TNN: variants seen among roughly 807,000 people sequenced by gnomAD.
TNN encodes the protein tenascin N.
TNN carries 122 observed loss-of-function variants against 134.4 expected under a neutral mutation model. The observed-to-expected ratio is 0.91, with a 90% CI of 0.78 to 1.06. The LOEUF (loss-of-function observed/expected upper bound fraction) is 1.06, where lower values mean the gene tolerates loss of function less well. TNN is among the 50% of genes least tolerant of loss of function. TNN has a pLI of 0.00. For synonymous variants in TNN, 710 were observed against 670.3 expected, an observed-to-expected ratio of 1.06 and a Z score of -0.91; for missense variants, 1,739 against 1,699.4, an observed-to-expected ratio of 1.02 and a Z score of -0.41.
chr1:175,123,275 G>A (rs910124864), intron 11 of TNN, 125 bp from the exon 12 acceptor site: 16 of 1,163,004 alleles, frequency 1.4e-5, no homozygotes, highest in Middle Eastern at 2.5e-4. Flanking sequence ...CCTTTGACTC[G>A]TGTTTTAAGT....
intron 3 of TNN, 116 bp from the exon 4 acceptor site, chr1:175,080,047 G>T (rs1400777223): frequency 6.4e-6 from 9 of 1,396,600 alleles, no homozygotes; most frequent in African/African-American, 1.4e-5. Flanking sequence ...CGGGAATGGC[G>T]CCTTACACAG....
At chr1:175,079,241 G>T in intron 2 of TNN, 92 bp from the exon 3 acceptor site, 56 of 1,271,526 alleles carry the variant, frequency 4.4e-5, no homozygotes, top group East Asian at 6.2e-5. Flanking sequence ...TGGGGCTAAT[G>T]ATTTCTGGGT....
chr1:175,079,846 T>C, intron 3 of TNN, 139 bp downstream of exon 3: 1 of 1,247,860 alleles, frequency 8.0e-7, no homozygotes. Context: ...CCAGAGTTTC[T>C]GATTCTGCGA....
intron 6 of TNN, among the ~76,000 whole-genome samples, chr1:175,086,389 G>GA (rs1328794152): frequency 6.6e-6 from 1 of 152,190 alleles, no homozygotes; most frequent in Non-Finnish European, 1.5e-5. Flanking sequence ...ATACATACGA[G>GA]ACATCCTAGG....
Position 175,146,979 on chromosome 1 carries a change from G to C in TNN, c.3808G>C (p.Val1270Leu). 3.1e-6 allele frequency: 5 copies of C among 1,595,042 alleles called. No individual in the cohort carries two copies. The highest frequency in any genetic ancestry group is 1.1e-5 in the South Asian group (1 of 89,842). ...WKGHEFSIPY[V>L]ELKIRPHGYS... The stretch of plus-strand genomic sequence containing the variant: ...AGGACATGAATTCTCCATTCCTTAC[G>C]TGGAGTTGAAAATCCGCCCTCATGG... Residue 1270 changes from valine (V) to leucine (L), a missense_variant, in exon 19 of 19, where the codon GTG becomes CTG. Coordinates refer to ENST00000239462, the MANE Select transcript of TNN (RefSeq NM_022093.2).
chr1:175,094,166 C>A lies in TNN; in HGVS notation c.1501C>A (p.Leu501Met). The A allele has an allele frequency of 6.2e-7, 1 of 1,614,150 alleles. No individual in the cohort carries two copies. The highest frequency in any genetic ancestry group is 1.1e-5 in the South Asian group (1 of 91,072). ...KDESSTVLTG[L>M]KPGEAYKVYV... The stretch of plus-strand genomic sequence containing the variant: ...TGAGAGCAGCACTGTCCTGACGGGC[C>A]TGAAGCCAGGAGAGGCATACAAGGT... Residue 501 changes from leucine to methionine, a missense_variant, in exon 7 of 19, where the codon CTG becomes ATG. Physicochemically the swap from Leu to Met is conservative, Grantham distance 15 (BLOSUM62 2). Coordinates refer to ENST00000239462, the MANE Select transcript of TNN (RefSeq NM_022093.2).
rs980262881 is a variant in TNN at position 175,105,168 on chromosome 1, C to T, written c.2119+6573C>T. Among the ~76,000 whole-genome samples, 4 of 146,086 alleles carry T rather than the reference C, an allele frequency of 2.7e-5. 1 individual carries two copies. The highest frequency in any genetic ancestry group is 3.0e-5 in the Non-Finnish European group (2 of 65,844). On this transcript the variant is annotated intron_variant, in intron 9 of 18. Transcript: ENST00000239462. ...AGGGTTTGATCTAACAGTAGCATGA[C>T]GTCTCTCCAAGTGAGGTCAAAGGTT...
chr1:175,091,049 A>G (rs1350822361), intron 6 of TNN, among the ~76,000 whole-genome samples: 2 of 152,184 alleles, frequency 1.3e-5, no homozygotes, highest in African/African-American at 4.8e-5. Flanking sequence ...AAACTATTTC[A>G]TAATCTCCAG....
At chr1:175,132,417 G>A (rs545277891) in intron 15 of TNN, among the ~76,000 whole-genome samples, 3 of 152,224 alleles carry the variant, frequency 2.0e-5, no homozygotes, top group East Asian at 1.9e-4. Flanking sequence ...AATGATTGTC[G>A]TCTAAGTGAA....
At chr1:175,069,082 T>C (rs1673861019) in intron 1 of TNN, among the ~76,000 whole-genome samples, 1 of 152,048 alleles carries the variant, frequency 6.6e-6, no homozygotes, top group Non-Finnish European at 1.5e-5. Context: ...GTTGCTTATA[T>C]AAGCATTAAA....
Position 175,097,582 on chromosome 1 carries a change from C to T in TNN, c.1754C>T (p.Thr585Ile). The change falls in exon 8 of 19, where the codon ACT becomes ATT. Residue 585 changes from threonine (T) to isoleucine (I), a missense_variant. Coordinates refer to ENST00000239462, the MANE Select transcript of TNN (RefSeq NM_022093.2). ...EVLVGKEQSS[T>I]VLTGLRPGVE... ...CTGGTGGGGAAGGAGCAGAGCAGCA[C>T]TGTCCTGACAGGCCTGAGGCCAGGT... The T allele has an allele frequency of 6.2e-7, 1 of 1,614,200 alleles. No homozygotes were observed. Among genetic ancestry groups the T allele is most frequent in the Non-Finnish European group, 8.5e-7 (1 of 1,180,050 alleles).
intron 9 of TNN, among the ~76,000 whole-genome samples, chr1:175,106,438 G>A (rs1363462228): frequency 6.9e-6 from 1 of 145,716 alleles, no homozygotes; most frequent in Non-Finnish European, 1.5e-5. Flanking sequence ...CACTACGATG[G>A]GGCCTTGGGC....
intron 18 of TNN, among the ~76,000 whole-genome samples, chr1:175,145,826 G>C (rs919314839): frequency 3.3e-5 from 5 of 151,904 alleles, no homozygotes; most frequent in African/African-American, 9.7e-5. Flanking sequence ...TGACAGCTGC[G>C]GGGCACTTCC....
At chr1:175,083,431 GGTTTGGGTGGCCAACCTGAGAGGTACA>G (rs1418062439) in intron 4 of TNN, among the ~76,000 whole-genome samples, 1 of 152,196 alleles carries the variant, frequency 6.6e-6, no homozygotes, top group Non-Finnish European at 1.5e-5. Context: ...TGGACTGAGT[GGTTTGGGTGGCCAACCTGAGAGGTACA>G]GTTTGGGCTT....
chr1:175,131,448 C>T (rs1242731507), intron 15 of TNN, among the ~76,000 whole-genome samples: 1 of 151,916 alleles, frequency 6.6e-6, no homozygotes, highest in Non-Finnish European at 1.5e-5. Context: ...TTGTTTTTCT[C>T]CCTTTGAAAC....
Position 175,118,628 on chromosome 1 carries a change from C to T in TNN, c.2454C>T (p.Asp818=). The T allele has an allele frequency of 6.2e-7, 1 of 1,614,216 alleles. No homozygotes were observed. Among genetic ancestry groups the T allele is most frequent in the Non-Finnish European group, 8.5e-7 (1 of 1,180,030 alleles). ...AGAATACAGCCACTGTCTCCTGGGA[C>T]CCGGTGCAGGCCACCATTGACAGGT... ...VTENTATVSW[D]PVQATIDRYV... Residue 818 remains aspartate, a synonymous_variant, in exon 11 of 19, where the codon GAC becomes GAT. Coordinates refer to ENST00000239462, the MANE Select transcript of TNN (RefSeq NM_022093.2).
At chr1:175,133,321 A>G (rs191992185) in intron 15 of TNN, among the ~76,000 whole-genome samples, 22 of 152,168 alleles carry the variant, frequency 1.4e-4, no homozygotes, top group Admixed American at 2.6e-4. Context: ...ATGGCACCCA[A>G]CTCTGCCTCC....
At chr1:175,145,876 T>C (rs1281056729) in intron 18 of TNN, among the ~76,000 whole-genome samples, 4 of 152,134 alleles carry the variant, frequency 2.6e-5, no homozygotes, top group Non-Finnish European at 5.9e-5. Flanking sequence ...TGCATCTTTG[T>C]CTCTGCTCGT....
intron 7 of TNN, among the ~76,000 whole-genome samples, chr1:175,094,810 T>C (rs542212232): frequency 5.9e-5 from 9 of 152,236 alleles, no homozygotes; most frequent in African/African-American, 9.6e-5. Context: ...AGCCATTCTT[T>C]CTGCTTAAAT....
Sources: gnomAD v4.1 joint callset for allele counts (sites outside exome capture counted in the v4.1 genomes callset) on GRCh38, gnomAD v4.1.1 for gene constraint, MANE v1.5 for transcripts, NCBI Gene and HGNC (gene_info 2026-07-23, HGNC 2026-07-21) for gene names.